Variants in ZDHHC20 observed in about 807,000 individuals in gnomAD.
The protein encoded by ZDHHC20 is zDHHC palmitoyltransferase 20, also known as palmitoyltransferase ZDHHC20.
In ZDHHC20, 43 loss-of-function variants were observed where a neutral mutation model predicts 57.8. That is an observed-to-expected ratio of 0.74 (90% confidence interval 0.58 to 0.96). ZDHHC20 has a LOEUF of 0.96. Among genes scored for constraint, ZDHHC20 ranks in the 40% least tolerant of loss-of-function variants. The pLI is 0.00. For missense variants in ZDHHC20, 391 were observed against 441.1 expected (o/e 0.89, Z 1.02); for synonymous variants, 157 against 153.0 (o/e 1.03, Z -0.19).
chr13:21,409,915 T>C (rs936844920), intron 4 of ZDHHC20, among the ~76,000 whole-genome samples: 1 of 152,208 alleles, frequency 6.6e-6, no homozygotes, highest in African/African-American at 2.4e-5. Flanking sequence ...CGGTCCAGTT[T>C]TGTTCCCTTG....
At position 21,411,034 on chromosome 13, in the gene ZDHHC20, G is replaced by A. The variant is rs536627911; in HGVS notation, c.370+2618C>T. The stretch of plus-strand genomic sequence containing the variant: ...TCCTGGTCTGTGGGTTGCGAAGACC[G>A]TGGGAAAAGCATAGTGTCTGGGCCG... On this transcript the variant is annotated intron_variant, in intron 4 of 12. Coordinates refer to ENST00000400590, the MANE Select transcript of ZDHHC20 (RefSeq NM_001330059.2). Among the ~76,000 whole-genome samples, 7 of 152,322 alleles carry A rather than the reference G, an allele frequency of 4.6e-5. No individual in the cohort carries two copies. In the South Asian group the frequency reaches 6.2e-4, roughly 14 times the overall value.
chr13:21,446,172 A>C (rs1479300320), intron 1 of ZDHHC20, among the ~76,000 whole-genome samples: 1 of 152,238 alleles, frequency 6.6e-6, no homozygotes, highest in Non-Finnish European at 1.5e-5. Flanking sequence ...TGCTGAGCAG[A>C]GGAGTAATAA....
Position 21,433,566 on chromosome 13 carries a change from G to A in ZDHHC20, c.119-7888C>T, listed in dbSNP as rs762103738. On this transcript the variant is annotated intron_variant, in intron 1 of 12. Coordinates refer to ENST00000400590, the MANE Select transcript of ZDHHC20 (RefSeq NM_001330059.2). ...CAGAAGGCGGAGCTTGCAGTGAGCC[G>A]AGATCACTCCACTGCACTCCAGCCT... is the stretch of plus-strand genomic sequence containing the variant. 6.9e-5 allele frequency among the ~76,000 whole-genome samples: 10 copies of A among 145,946 alleles called. 1 individual carries two copies. Among genetic ancestry groups the A allele is most frequent in the Non-Finnish European group, 1.5e-4 (10 of 66,898 alleles).
At position 21,375,348 on chromosome 13, in the gene ZDHHC20, G is replaced by GT. The variant is rs1428272967; in HGVS notation, c.*1347_*1348insA. On this transcript the variant is annotated 3_prime_UTR_variant, in exon 13 of 13. Coordinates refer to ENST00000400590, the MANE Select transcript of ZDHHC20 (RefSeq NM_001330059.2). ...GGAAGCAATCAATTATTTTGGGGGG[G>GT]GTGTGTGTGTGTGTGTGTCTGTCTG... is the stretch of plus-strand genomic sequence containing the variant. 8.9e-5 allele frequency: 31 copies of GT among 348,286 alleles called. No homozygotes were observed. In the East Asian group the frequency reaches 8.9e-4, roughly 10 times the overall value. The allele number at this position is 348,286 out of a possible 1,614,324, so 21.6% of individuals were successfully genotyped here.
chr13:21,376,186 C>A lies in ZDHHC20; in HGVS notation c.*510G>T, dbSNP rs1593156011. On this transcript the variant is annotated 3_prime_UTR_variant, in exon 13 of 13. Transcript: ENST00000400590. ...TAGTAATTATAAATTAGCAAATACC[C>A]AATTTAAAAAAGCAGTTTTCCTTAT... The A allele has an allele frequency of 6.6e-6, 1 of 152,074 alleles. No individual in the cohort carries two copies. 9.4% of individuals were successfully genotyped at this position (152,074 alleles called of 1,614,324 possible).
intron 1 of ZDHHC20, among the ~76,000 whole-genome samples, chr13:21,442,764 A>G (rs975772232): frequency 1.3e-5 from 2 of 152,180 alleles, no homozygotes; most frequent in African/African-American, 2.4e-5. Context: ...CAAAAAAAAA[A>G]ACAAAAAACT....
chr13:21,378,044 TC>T (rs1256197289), intron 12 of ZDHHC20, among the ~76,000 whole-genome samples: 3 of 152,170 alleles, frequency 2.0e-5, no homozygotes, highest in Non-Finnish European at 2.9e-5. Context: ...CACCTTTTTT[TC>T]TTTTTTCTTT....
chr13:21,393,699 C>CAAAAAAAAAAAAAAAAA (rs71093307), intron 7 of ZDHHC20, among the ~76,000 whole-genome samples: 8 of 63,414 alleles, frequency 1.3e-4, no homozygotes, highest in African/African-American at 4.5e-4. Flanking sequence ...GCAAGTCTCA[C>CAAAAAAAAAAAAAAAAA]AAAAAAAAAA....
intron 4 of ZDHHC20, among the ~76,000 whole-genome samples, chr13:21,412,903 A>G (rs1048474226): frequency 2.0e-4 from 28 of 138,358 alleles, no homozygotes; most frequent in African/African-American, 6.6e-4. Flanking sequence ...TGGGGGTGGA[A>G]GTTGCAGTGA....
intron 9 of ZDHHC20, among the ~76,000 whole-genome samples, chr13:21,384,457 CAAAAAAAAAAAAAAA>C (rs11358320): frequency 1.3e-5 from 1 of 76,140 alleles, no homozygotes; most frequent in African/African-American, 5.4e-5. Context: ...ACTCTATCTC[CAAAAAAAAAAAAAAA>C]AAAAAAAAGA....
Position 21,459,100 on chromosome 13 carries a change from G to C in ZDHHC20, c.72C>G (p.Phe24Leu). Residue 24 changes from phenylalanine to leucine, a missense_variant, in exon 1 of 13, where the codon TTC (phenylalanine) becomes TTG (leucine). By Grantham distance (22) the Phe-to-Leu change is conservative (BLOSUM62 0). This residue lies in a region of ZDHHC20 where 185 missense variants were observed against 188.0 expected (regional missense o/e 0.98). Transcript: ENST00000400590. ...VGWVPVLFIT[F>L]VVVWSYYAYV... is the part of the protein sequence containing the mutation. ...ACGCGTAGTAGGACCAGACGACCACGAAGGTGATGAAGAGCACCGGCACCC... is the reference window on the plus strand; with the variant it reads ...ACGCGTAGTAGGACCAGACGACCACCAAGGTGATGAAGAGCACCGGCACCC... 6.2e-7 allele frequency: 1 copy of C among 1,607,122 alleles called. No individual in the cohort carries two copies. Among genetic ancestry groups the C allele is most frequent in the Non-Finnish European group, 8.5e-7 (1 of 1,177,396 alleles).
At chr13:21,442,064 C>T (rs901768383) in intron 1 of ZDHHC20, among the ~76,000 whole-genome samples, 2 of 151,908 alleles carry the variant, frequency 1.3e-5, no homozygotes, top group Admixed American at 6.5e-5. Flanking sequence ...ATTTTGTTTA[C>T]GTTGTTTACG....
chr13:21,387,168 C>A (rs527839047), intron 9 of ZDHHC20, among the ~76,000 whole-genome samples: 2 of 152,200 alleles, frequency 1.3e-5, no homozygotes, highest in Non-Finnish European at 2.9e-5. Flanking sequence ...CAATTCATTT[C>A]TGTGATAGGA....
intron 9 of ZDHHC20, among the ~76,000 whole-genome samples, chr13:21,387,169 T>A (rs1874684434): frequency 6.6e-6 from 1 of 152,330 alleles, no homozygotes; most frequent in East Asian, 1.9e-4. Context: ...AATTCATTTC[T>A]GTGATAGGAT....
At chr13:21,396,829 T>C (rs1876857487) in intron 7 of ZDHHC20, among the ~76,000 whole-genome samples, 1 of 83,510 alleles carries the variant, frequency 1.2e-5, no homozygotes, top group Non-Finnish European at 2.3e-5. Context: ...TGAGACTCTG[T>C]CTCAAAAAAA....
intron 7 of ZDHHC20, among the ~76,000 whole-genome samples, chr13:21,392,351 T>G (rs1020003735): frequency 6.7e-6 from 1 of 148,958 alleles, no homozygotes; most frequent in African/African-American, 2.5e-5. Flanking sequence ...GCTCCCCATA[T>G]CTATACAAAA....
intron 7 of ZDHHC20, among the ~76,000 whole-genome samples, chr13:21,396,528 G>T (rs946437157): frequency 6.6e-6 from 1 of 152,074 alleles, no homozygotes; most frequent in African/African-American, 2.4e-5. Flanking sequence ...AAGCAGAAAT[G>T]TAAGACATAA....
At chr13:21,433,119 A>C (rs1462092580) in intron 1 of ZDHHC20, among the ~76,000 whole-genome samples, 1 of 152,088 alleles carries the variant, frequency 6.6e-6, no homozygotes, top group Non-Finnish European at 1.5e-5. Flanking sequence ...TTCCATATAA[A>C]TACTTACTTA....
chr13:21,432,917 T>A (rs1882138167), intron 1 of ZDHHC20, among the ~76,000 whole-genome samples: 1 of 152,256 alleles, frequency 6.6e-6, no homozygotes, highest in Non-Finnish European at 1.5e-5. Context: ...AATTTTCTTA[T>A]GGGAATCAAC....
Sources: allele counts gnomAD v4.1 joint callset (sites outside exome capture counted in the v4.1 genomes callset), GRCh38; gene constraint gnomAD v4.1.1; regional missense constraint gnomAD v4.1.1; transcripts MANE v1.5; gene names NCBI Gene and HGNC (gene_info 2026-07-23, HGNC 2026-07-21).